The following DIDO1 variants were observed in gnomAD, a reference collection of about 807,000 sequenced individuals.
The protein encoded by DIDO1 is death-inducer obliterator 1.
Under a neutral mutation model 99.4 loss-of-function variants are expected in DIDO1, and 16 were observed. The observed-to-expected ratio is 0.16, with a 90% CI of 0.11 to 0.24. The LOEUF is 0.24. Ranked by LOEUF, DIDO1 falls within the 10% of genes least tolerant of loss-of-function variation. The pLI, the probability that DIDO1 is intolerant of heterozygous loss-of-function variation, is 1.00. For missense variants in DIDO1, 2,996 were observed against 3,014.0 expected, an observed-to-expected ratio of 0.99 and a Z score of 0.14; for synonymous variants, 1,366 against 1,239.1, an observed-to-expected ratio of 1.10 and a Z score of -2.15.
At chr20:62,909,529 G>A (rs947891902) in intron 4 of DIDO1, among the ~76,000 whole-genome samples, 170 bp downstream of exon 4, 1 of 152,224 alleles carries the variant, frequency 6.6e-6, no homozygotes, top group African/African-American at 2.4e-5. Context: ...GGTAGACAGG[G>A]TAAGAATAAA....
At position 62,908,200 on chromosome 20, in the gene DIDO1, C is replaced by T. The variant is rs141480271; in HGVS notation, c.1162-841G>A. Among the ~76,000 whole-genome samples, 55 of 152,166 alleles carry T rather than the reference C, an allele frequency of 3.6e-4. No individual in the cohort carries two copies. In the East Asian group the frequency reaches 0.01, roughly 29 times the overall value. ...CTCACTACGTTGCCCAGGCTGGTCT[C>T]GAACTCTTGGCCTCAAGTGATCCTC... is the stretch of plus-strand genomic sequence containing the variant. On this transcript the variant is annotated intron_variant, in intron 4 of 15. Coordinates refer to ENST00000395343, the MANE Select transcript of DIDO1 (RefSeq NM_001193369.2).
Position 62,880,619 on chromosome 20 carries a change from A to T in DIDO1, c.5337T>A (p.Pro1779=), listed in dbSNP as rs2147344205. 1 of 1,612,842 alleles carries T rather than the reference A, an allele frequency of 6.2e-7. No individual in the cohort carries two copies. Among genetic ancestry groups the T allele is most frequent in the Non-Finnish European group, 8.5e-7 (1 of 1,179,986 alleles). ...AAGCGATATTCTCTTCTGGAAACGG[A>T]GGGGCTGGCCCCCTTGGTCCCGGGA... is the stretch of plus-strand genomic sequence containing the variant. ...PNFPGPRGPA[P]PFPEENIASN... The change falls in exon 16 of 16, where the codon CCT becomes CCA. Residue 1779 remains proline, a synonymous_variant. Transcript: ENST00000395343.
At chr20:62,932,692 C>T (rs959513853) in intron 1 of DIDO1, among the ~76,000 whole-genome samples, 9 of 152,142 alleles carry the variant, frequency 5.9e-5, no homozygotes, top group Admixed American at 2.0e-4. Context: ...TCAACCTCAG[C>T]AGGAGTTAAA....
Position 62,879,070 on chromosome 20 carries a change from A to G in DIDO1, c.*163T>C. ...TTTTTTAAAAAAGCATCAGAATTGT[A>G]AAGATGTGAAATCTTGTAAGAAACC... On this transcript the variant is annotated 3_prime_UTR_variant, in exon 16 of 16. Coordinates refer to ENST00000395343, the MANE Select transcript of DIDO1 (RefSeq NM_001193369.2). The surrounding 1 kb of genome is among the most constrained non-coding windows in gnomAD (Gnocchi z 6.3). The G allele has an allele frequency of 5.2e-6, 3 of 575,186 alleles. No individual in the cohort carries two copies. The highest frequency in any genetic ancestry group is 8.1e-6 in the Non-Finnish European group (3 of 370,244). The allele number at this position is 575,186 out of a possible 1,614,324, so 35.6% of individuals were successfully genotyped here. A position where few individuals can be genotyped will look rare whatever the true frequency, so the allele number is the denominator to read the frequency against.
At chr20:62,908,734 T>C (rs943863133) in intron 4 of DIDO1, among the ~76,000 whole-genome samples, 4 of 152,168 alleles carry the variant, frequency 2.6e-5, no homozygotes, top group Non-Finnish European at 4.4e-5. Flanking sequence ...TGGTGTGTGC[T>C]TGTAGTCCCA....
At chr20:62,890,933 A>C (rs762670514) in intron 15 of DIDO1, 27 bp downstream of exon 15, 4 of 1,612,650 alleles carry the variant, frequency 2.5e-6, no homozygotes, top group Non-Finnish European at 3.4e-6. Context: ...GGTGGGCCTC[A>C]CCTCCACCCA....
At chr20:62,904,780 CA>C (rs58039393) in intron 6 of DIDO1, among the ~76,000 whole-genome samples, 239 of 62,592 alleles carry the variant, frequency 3.8e-3, no homozygotes, top group Admixed American at 7.9e-3. Flanking sequence ...ACTCTTGTCT[CA>C]AAAAAAAAAA....
At chr20:62,900,533 G>C (rs1185886063) in intron 6 of DIDO1, among the ~76,000 whole-genome samples, 1 of 152,252 alleles carries the variant, frequency 6.6e-6, no homozygotes, top group Non-Finnish European at 1.5e-5. Context: ...AATTGCCCCA[G>C]TGGAAGTTTT....
At position 62,882,203 on chromosome 20, in the gene DIDO1, C is replaced by T. The variant is rs115781828; in HGVS notation, c.3753G>A (p.Ala1251=). 1,507 of 1,613,556 alleles carry T rather than the reference C, an allele frequency of 9.3e-4. 18 individuals are homozygous for T. The African/African-American group carries it at 0.017, about 19-fold the overall frequency. ...ACCCAGGAGGTGTGGTGCTGACAGC[C>T]GCGTCTGCAGAGCAGAGTGGATACT... The part of the protein sequence containing the change: ...PSKYPLCSAD[A]AVSTTPPGSP... Residue 1251 remains alanine (A), a synonymous_variant, in exon 16 of 16, where the codon GCG becomes GCA. Coordinates refer to ENST00000395343, the MANE Select transcript of DIDO1 (RefSeq NM_001193369.2).
chr20:62,901,831 A>C (rs1166930170), intron 6 of DIDO1, among the ~76,000 whole-genome samples: 1 of 152,080 alleles, frequency 6.6e-6, no homozygotes, highest in African/African-American at 2.4e-5. Flanking sequence ...AAAAAAAAAA[A>C]AAACCTAGTA....
intron 1 of DIDO1, among the ~76,000 whole-genome samples, chr20:62,914,915 G>A (rs1424168984): frequency 6.6e-6 from 1 of 152,192 alleles, no homozygotes; most frequent in Non-Finnish European, 1.5e-5. Flanking sequence ...ACTAATGTTT[G>A]TGACGTACTA....
chr20:62,923,341 A>G (rs1303073323), intron 1 of DIDO1, among the ~76,000 whole-genome samples: 1 of 151,766 alleles, frequency 6.6e-6, no homozygotes, highest in Non-Finnish European at 1.5e-5. Flanking sequence ...ACACCCAGCT[A>G]ATTTTTGTAT....
intron 1 of DIDO1, among the ~76,000 whole-genome samples, chr20:62,914,764 A>T (rs540228492): frequency 6.6e-6 from 1 of 152,252 alleles, no homozygotes; most frequent in Non-Finnish European, 1.5e-5. Context: ...GACCCCACTC[A>T]ATAAAATCCA....
At chr20:62,922,165 C>A (rs2065162143) in intron 1 of DIDO1, among the ~76,000 whole-genome samples, 1 of 149,442 alleles carries the variant, frequency 6.7e-6, no homozygotes, top group Non-Finnish European at 1.5e-5. Flanking sequence ...CAAACAATGC[C>A]CGGCTCTTTT....
Position 62,880,651 on chromosome 20 carries a change from G to A in DIDO1, c.5305C>T (p.Pro1769Ser), listed in dbSNP as rs1378103929. The change falls in exon 16 of 16, where the codon CCC (proline) becomes TCC (serine). Residue 1769 changes from proline to serine, a missense_variant. By Grantham distance (74) the Pro-to-Ser change is moderately conservative. This residue lies in a region of DIDO1 where 1,562 missense variants were observed against 1,412.6 expected (regional missense o/e 1.11). Coordinates refer to ENST00000395343, the MANE Select transcript of DIDO1 (RefSeq NM_001193369.2). The stretch of plus-strand genomic sequence containing the variant: ...GGCCCCCTTGGTCCCGGGAAATTGG[G>A]GCCGTGAAGCCCTGACATCCCCAAA... ...HALGMSGLHG[P>S]NFPGPRGPAP... The A allele has an allele frequency of 1.9e-6, 3 of 1,612,860 alleles. No homozygotes were observed. The highest frequency in any genetic ancestry group is 3.3e-5 in the Admixed American group (2 of 60,030).
chr20:62,919,973 C>G (rs765146405), intron 1 of DIDO1, among the ~76,000 whole-genome samples: 7 of 152,216 alleles, frequency 4.6e-5, no homozygotes, highest in Non-Finnish European at 1.0e-4. Flanking sequence ...ATAAAGTCTC[C>G]TAAACCACTA....
At chr20:62,905,332 G>A (rs762526691) in intron 6 of DIDO1, 40 of 1,429,086 alleles carry the variant, frequency 2.8e-5, no homozygotes, top group Middle Eastern at 2.6e-4. Context: ...CGTGTGAATC[G>A]GACATGGAAA....
intron 4 of DIDO1, among the ~76,000 whole-genome samples, chr20:62,907,823 G>A (rs906870132): frequency 1.3e-5 from 2 of 152,250 alleles, no homozygotes; most frequent in Non-Finnish European, 2.9e-5. Context: ...TTCATAGCTG[G>A]TTTTGAAGTA....
intron 4 of DIDO1, 59 bp downstream of exon 4, chr20:62,909,640 C>T (rs897836100): frequency 2.8e-5 from 45 of 1,581,884 alleles, no homozygotes; most frequent in African/African-American, 8.1e-5. Context: ...CTATCTAGAG[C>T]GAGACTGAAA....
Sources: gnomAD v4.1 joint callset for allele counts (sites outside exome capture counted in the v4.1 genomes callset) on GRCh38, gnomAD v4.1.1 for gene constraint, gnomAD v4.1.1 regional missense constraint, Gnocchi (gnomAD v3.1) non-coding constraint, MANE v1.5 for transcripts, NCBI Gene and HGNC (gene_info 2026-07-23, HGNC 2026-07-21) for gene names.